Variants in DENND2A observed in about 807,000 individuals in gnomAD.
DENND2A encodes the protein DENN domain-containing protein 2A.
In DENND2A, 53 loss-of-function variants were observed where a neutral mutation model predicts 105.3. That is an observed-to-expected ratio of 0.50 (90% CI 0.40 to 0.63). The LOEUF (loss-of-function observed/expected upper bound fraction) is 0.63. Among genes scored for constraint, DENND2A ranks in the 30% least tolerant of loss-of-function variants. DENND2A has a pLI of 0.00. For missense variants in DENND2A, 1,138 were observed against 1,279.6 expected (o/e 0.89, Z 1.69); for synonymous variants, 522 against 508.4 (o/e 1.03, Z -0.36).
chr7:140,627,766 A>G (rs1021151696), intron 1 of DENND2A, among the ~76,000 whole-genome samples: 2 of 151,864 alleles, frequency 1.3e-5, no homozygotes, highest in African/African-American at 2.4e-5. Context: ...GGCTCATGCA[A>G]TCTTCCCACC....
At chr7:140,583,662 G>A (rs1798638576) in intron 5 of DENND2A, among the ~76,000 whole-genome samples, 1 of 150,546 alleles carries the variant, frequency 6.6e-6, no homozygotes, top group Admixed American at 6.6e-5. Context: ...GGGCGCGGTG[G>A]CTCACGCCTG....
chr7:140,571,427 G>T (rs1281500345), intron 6 of DENND2A, among the ~76,000 whole-genome samples: 3 of 152,160 alleles, frequency 2.0e-5, no homozygotes, highest in Admixed American at 6.5e-5. Flanking sequence ...CTCCCAAAGT[G>T]CTGGGATTAC....
intron 12 of DENND2A, 74 bp downstream of exon 12, chr7:140,555,562 G>C (rs1797327241): frequency 3.1e-6 from 4 of 1,293,700 alleles, no homozygotes; most frequent in Middle Eastern, 2.0e-4. Flanking sequence ...CCCAGGACAT[G>C]GGGGTATTCC....
Position 140,531,520 on chromosome 7 carries a change from C to T in DENND2A, c.2328-4025G>A, listed in dbSNP as rs868702243. 1.3e-5 allele frequency among the ~76,000 whole-genome samples: 2 copies of T among 152,180 alleles called. 1 individual carries two copies. Among genetic ancestry groups the T allele is most frequent in the Middle Eastern group, 6.8e-3 (2 of 294 alleles). On this transcript the variant is annotated intron_variant, in intron 14 of 19. Coordinates refer to ENST00000496613, the MANE Select transcript of DENND2A (RefSeq NM_015689.5). Reference sequence around the variant, plus strand: ...TGTAAATAACTATCTGTGTGTGAGCCGGGTGCGGTGGCTCGTGCCTGTAAT... The same window carrying T: ...TGTAAATAACTATCTGTGTGTGAGCTGGGTGCGGTGGCTCGTGCCTGTAAT...
At position 140,601,897 on chromosome 7, in the gene DENND2A, C is replaced by T. The variant is rs370132781; in HGVS notation, c.501G>A (p.Glu167=). The change falls in exon 3 of 20, where the codon GAG becomes GAA. Residue 167 remains glutamate (E), a synonymous_variant. Transcript: ENST00000496613. The part of the protein sequence containing the change: ...LSVLKQVKKL[E]QALKDGSAGL... Reference sequence around the variant, plus strand: ...CTGCCGACCCATCCTTCAAAGCCTGCTCGAGTTTCTTGACCTGCTTCAGCA... The same window carrying T: ...CTGCCGACCCATCCTTCAAAGCCTGTTCGAGTTTCTTGACCTGCTTCAGCA... 15 of 1,614,068 alleles carry T rather than the reference C, an allele frequency of 9.3e-6. No individual in the cohort carries two copies. Among genetic ancestry groups the T allele is most frequent in the Non-Finnish European group, 1.3e-5 (15 of 1,180,050 alleles).
chr7:140,521,762 C>A (rs1795867447), intron 18 of DENND2A, 93 bp downstream of exon 18: 1 of 1,553,016 alleles, frequency 6.4e-7, no homozygotes, highest in African/African-American at 1.4e-5. Flanking sequence ...CCTGTCTGTG[C>A]CCCTGCCCTG....
chr7:140,532,198 G>C (rs1336206005), intron 14 of DENND2A, among the ~76,000 whole-genome samples: 3 of 152,138 alleles, frequency 2.0e-5, no homozygotes, highest in Non-Finnish European at 4.4e-5. Flanking sequence ...GAATCCGAGA[G>C]GCAGAAGTTG....
chr7:140,630,033 G>C (rs1481240514), intron 1 of DENND2A, among the ~76,000 whole-genome samples: 1 of 151,624 alleles, frequency 6.6e-6, no homozygotes, highest in Non-Finnish European at 1.5e-5. Flanking sequence ...GCTAATTTTT[G>C]TATTTTTAGT....
At chr7:140,572,360 T>C in intron 6 of DENND2A, among the ~76,000 whole-genome samples, 1 of 152,082 alleles carries the variant, frequency 6.6e-6, no homozygotes, top group Non-Finnish European at 1.5e-5. Flanking sequence ...CCTTGAAAGC[T>C]ACAGACAGTG....
intron 6 of DENND2A, 91 bp from the exon 7 acceptor site, chr7:140,569,829 GGAGGGC>G: frequency 2.4e-6 from 2 of 840,994 alleles, no homozygotes; most frequent in Admixed American, 3.5e-5. Context: ...CTAGGACGAT[GGAGGGC>G]CAGGGCCAGG....
At chr7:140,530,685 A>G (rs141611588) in intron 14 of DENND2A, among the ~76,000 whole-genome samples, 1 of 152,036 alleles carries the variant, frequency 6.6e-6, no homozygotes, top group African/African-American at 2.4e-5. Context: ...ATTAAGGAGA[A>G]TACTATCCAG....
chr7:140,589,345 TA>T (rs1163885370), intron 3 of DENND2A, among the ~76,000 whole-genome samples: 1 of 152,180 alleles, frequency 6.6e-6, no homozygotes, highest in Non-Finnish European at 1.5e-5. Flanking sequence ...ATTGCTGCAT[TA>T]CACAGTACTG....
Position 140,602,000 on chromosome 7 carries a change from C to T in DENND2A, c.398G>A (p.Arg133Gln), listed in dbSNP as rs779244946. The T allele has an allele frequency of 5.3e-5, 86 of 1,614,128 alleles. No individual in the cohort carries two copies. Among genetic ancestry groups the T allele is most frequent in the Non-Finnish European group, 6.7e-5 (79 of 1,180,054 alleles). ...EPGQDLSQPE[R>Q]EVDPSWGRGR... Reference sequence around the variant, plus strand: ...TCGGCCCCAGCTAGGATCCACTTCCCGTTCTGGCTGGCTTAGGTCTTGCCC... The same window carrying T: ...TCGGCCCCAGCTAGGATCCACTTCCTGTTCTGGCTGGCTTAGGTCTTGCCC... Residue 133 changes from arginine to glutamine, a missense_variant, in exon 3 of 20, where the codon CGG becomes CAG. By Grantham distance (43) the Arg-to-Gln change is conservative. This residue lies in a region of DENND2A where 511 missense variants were observed against 499.9 expected (regional missense o/e 1.02). Transcript: ENST00000496613.
In DENND2A at chr7:140,546,853, T is replaced by C; in HGVS notation, c.2124A>G (p.Pro708=). Residue 708 remains proline (P), a synonymous_variant, in exon 13 of 20, where the codon CCA becomes CCG. Transcript: ENST00000496613. ...TGACAAGGATGGTTTTGCCCAGGGCTGGGAAAGGGGCTTCCATGACACTTC... is the reference window on the plus strand; with the variant it reads ...TGACAAGGATGGTTTTGCCCAGGGCCGGGAAAGGGGCTTCCATGACACTTC... ...LMRSVMEAPF[P]ALGKTILVKN... is the part of the protein sequence containing the mutation. 1 of 1,614,180 alleles carries C rather than the reference T, an allele frequency of 6.2e-7. No homozygotes were observed. The highest frequency in any genetic ancestry group is 8.5e-7 in the Non-Finnish European group (1 of 1,180,014).
intron 9 of DENND2A, among the ~76,000 whole-genome samples, chr7:140,566,077 C>T (rs909976376): frequency 5.9e-5 from 9 of 152,178 alleles, no homozygotes; most frequent in African/African-American, 2.2e-4. Context: ...GCCATTCTTT[C>T]ATTCCTTTAC....
At chr7:140,547,787 T>C (rs1199949169) in intron 12 of DENND2A, among the ~76,000 whole-genome samples, 1 of 152,222 alleles carries the variant, frequency 6.6e-6, no homozygotes, top group African/African-American at 2.4e-5. Context: ...ATCCATATAA[T>C]GGAATATTAT....
chr7:140,570,776 T>C (rs1798060732), intron 6 of DENND2A, among the ~76,000 whole-genome samples: 1 of 152,184 alleles, frequency 6.6e-6, no homozygotes, highest in African/African-American at 2.4e-5. Context: ...CCTCCCCACC[T>C]CCCAGGCCAG....
At chr7:140,526,026 T>C (rs956328041) in intron 15 of DENND2A, among the ~76,000 whole-genome samples, 10 of 152,048 alleles carry the variant, frequency 6.6e-5, no homozygotes, top group Non-Finnish European at 8.8e-5. Flanking sequence ...CTGGGATGCA[T>C]GTGTGCTGTG....
intron 10 of DENND2A, among the ~76,000 whole-genome samples, chr7:140,558,905 C>A (rs900914971): frequency 6.6e-6 from 1 of 151,022 alleles, no homozygotes; most frequent in Non-Finnish European, 1.5e-5. Flanking sequence ...CGGGTTCAAG[C>A]GATTCTCCTG....
Sources: gnomAD v4.1 joint callset for allele counts (sites outside exome capture counted in the v4.1 genomes callset) on GRCh38, gnomAD v4.1.1 for gene constraint, gnomAD v4.1.1 regional missense constraint, MANE v1.5 for transcripts, NCBI Gene and HGNC (gene_info 2026-07-23, HGNC 2026-07-21) for gene names.